The following AGBL1 variants were observed in gnomAD, a reference collection of about 807,000 sequenced individuals.
The protein encoded by AGBL1 is AGBL carboxypeptidase 1.
In AGBL1, 130 loss-of-function variants were observed where a neutral mutation model predicts 118.9. The observed-to-expected ratio is 1.09, with a 90% CI of 0.95 to 1.26. The LOEUF (loss-of-function observed/expected upper bound fraction) is 1.26, where lower values mean the gene tolerates loss of function less well. Among genes scored for constraint, AGBL1 ranks in the 50% most tolerant of loss-of-function variants. The pLI, the probability that AGBL1 is intolerant of heterozygous loss-of-function variation, is 0.00. For missense variants in AGBL1, 1,584 were observed against 1,298.1 expected (o/e 1.22, Z -3.38); for synonymous variants, 555 against 478.9 (o/e 1.16, Z -2.08).
chr15:86,464,807 A>G (rs2142091879), intron 18 of AGBL1, among the ~76,000 whole-genome samples: 1 of 152,206 alleles, frequency 6.6e-6, no homozygotes, highest in Non-Finnish European at 1.5e-5. Flanking sequence ...ATTGTGATGG[A>G]TAAGCTTTTT....
At chr15:86,533,621 C>A (rs978037205) in intron 19 of AGBL1, among the ~76,000 whole-genome samples, 9 of 136,410 alleles carry the variant, frequency 6.6e-5, no homozygotes, top group African/African-American at 2.7e-4. Flanking sequence ...GGTATATACC[C>A]AAATGACTAT....
intron 24 of AGBL1, among the ~76,000 whole-genome samples, chr15:87,011,068 T>C (rs73449191): frequency 0.099 from 15,073 of 152,260 alleles, 1,328 homozygotes; most frequent in African/African-American, 0.23. Flanking sequence ...CATATATGAG[T>C]GAGACCATGT....
chr15:86,594,045 C>G (rs2084374081), intron 21 of AGBL1, among the ~76,000 whole-genome samples: 1 of 151,868 alleles, frequency 6.6e-6, no homozygotes, highest in African/African-American at 2.4e-5. Flanking sequence ...GCCTTGGCCT[C>G]CTGAGTAGAT....
chr15:86,536,832 G>A (rs561302022), intron 19 of AGBL1, among the ~76,000 whole-genome samples: 2 of 152,310 alleles, frequency 1.3e-5, no homozygotes, highest in East Asian at 3.9e-4. Context: ...ACATAGAGAT[G>A]GGGCCACAGG....
chr15:86,556,222 G>T, intron 21 of AGBL1: 1 of 1,612,076 alleles, frequency 6.2e-7, no homozygotes, highest in Non-Finnish European at 8.5e-7. Context: ...CTACTGTGCA[G>T]TGTACACAGA....
At chr15:86,639,726 A>T (rs2085160168) in intron 21 of AGBL1, among the ~76,000 whole-genome samples, 1 of 152,196 alleles carries the variant, frequency 6.6e-6, no homozygotes, top group Non-Finnish European at 1.5e-5. Context: ...GCAACTGCTG[A>T]TCCCTCTTTG....
At chr15:86,652,111 T>A (rs538408028) in intron 21 of AGBL1, among the ~76,000 whole-genome samples, 1 of 152,304 alleles carries the variant, frequency 6.6e-6, no homozygotes, top group East Asian at 1.9e-4. Flanking sequence ...GAAACCTCTG[T>A]TAAAAGAGTA....
At position 86,503,891 on chromosome 15, in the gene AGBL1, C is replaced by T. The variant is rs1037519067; in HGVS notation, c.2556-18919C>T. 2.5e-4 allele frequency among the ~76,000 whole-genome samples: 38 copies of T among 151,502 alleles called. 1 individual carries two copies. Among genetic ancestry groups the T allele is most frequent in the Non-Finnish European group, 5.9e-5 (4 of 67,598 alleles). On this transcript the variant is annotated intron_variant, in intron 18 of 22. Transcript: ENST00000614907. Reference sequence around the variant, plus strand: ...AATGTGTGCACTTGGGAAAAATGTGCTTTCTGTTTTTGTTGGACCAAGTGT... The same window carrying T: ...AATGTGTGCACTTGGGAAAAATGTGTTTTCTGTTTTTGTTGGACCAAGTGT...
intron 23 of AGBL1, among the ~76,000 whole-genome samples, chr15:86,976,126 CAT>C: frequency 6.6e-6 from 1 of 151,496 alleles, no homozygotes; most frequent in Non-Finnish European, 1.5e-5. Context: ...AGATCTATCA[CAT>C]AGGCTAAATC....
At chr15:86,819,346 A>T (rs2078907829) in intron 22 of AGBL1, among the ~76,000 whole-genome samples, 1 of 152,132 alleles carries the variant, frequency 6.6e-6, no homozygotes, top group South Asian at 2.1e-4. Context: ...ACTATGTTCC[A>T]GATACTTCTC....
At chr15:86,526,565 TATATATATAC>T (rs1442259735) in intron 19 of AGBL1, among the ~76,000 whole-genome samples, 5 of 133,058 alleles carry the variant, frequency 3.8e-5, no homozygotes, top group African/African-American at 1.5e-4. Flanking sequence ...TATATATATA[TATATATATAC>T]ACACAGAGTA....
chr15:86,819,800 T>G (rs986561369), intron 22 of AGBL1, among the ~76,000 whole-genome samples: 1 of 152,136 alleles, frequency 6.6e-6, no homozygotes, highest in Non-Finnish European at 1.5e-5. Context: ...ACTTTAAATT[T>G]CATATGGAAT....
At chr15:86,542,961 T>A (rs2083525803) in intron 19 of AGBL1, among the ~76,000 whole-genome samples, 1 of 152,228 alleles carries the variant, frequency 6.6e-6, no homozygotes. Context: ...CTTTCTTATT[T>A]ATCCAAACTG....
At chr15:86,668,152 C>G (rs1242504006) in intron 21 of AGBL1, among the ~76,000 whole-genome samples, 1 of 152,192 alleles carries the variant, frequency 6.6e-6, no homozygotes, top group Non-Finnish European at 1.5e-5. Flanking sequence ...CCTCCATGAA[C>G]CAAACACCTC....
chr15:86,628,935 ACAAT>A (rs1303099473), intron 21 of AGBL1, among the ~76,000 whole-genome samples: 2 of 152,184 alleles, frequency 1.3e-5, no homozygotes, highest in Non-Finnish European at 2.9e-5. Context: ...AAGAGTCATC[ACAAT>A]CAAGCTAATT....
chr15:86,787,751 C>A (rs972974251), intron 22 of AGBL1, among the ~76,000 whole-genome samples: 3 of 152,156 alleles, frequency 2.0e-5, no homozygotes, highest in African/African-American at 7.2e-5. Context: ...ATATGTCCAG[C>A]AGAGAGATTG....
chr15:86,753,647 C>T (rs190583282), intron 22 of AGBL1, among the ~76,000 whole-genome samples: 1 of 152,226 alleles, frequency 6.6e-6, no homozygotes, highest in African/African-American at 2.4e-5. Context: ...ATCCACCCAC[C>T]TTGGCCTCCC....
chr15:86,837,665 A>AG (rs1013838449), intron 22 of AGBL1, among the ~76,000 whole-genome samples: 5 of 152,200 alleles, frequency 3.3e-5, no homozygotes, highest in African/African-American at 1.2e-4. Flanking sequence ...GCAAAATGTC[A>AG]GGGGGAGAAA....
In AGBL1 at chr15:86,907,981, A is replaced by T. The variant is rs1025169783; in HGVS notation, c.*687A>T. 2 of 152,212 alleles carry T rather than the reference A, an allele frequency of 1.3e-5. No homozygotes were observed. Among genetic ancestry groups the T allele is most frequent in the African/African-American group, 4.8e-5 (2 of 41,452 alleles). 9.4% of individuals were successfully genotyped at this position (152,212 alleles called of 1,614,324 possible). On this transcript the variant is annotated 3_prime_UTR_variant, in exon 23 of 23. Coordinates refer to ENST00000614907, the MANE Select transcript of AGBL1 (RefSeq NM_001386094.1). ...TTTTAAGATCCTATGTATTCAGATCACCAAACATAATGCTAGGAAGTACCA... is the reference window on the plus strand; with the variant it reads ...TTTTAAGATCCTATGTATTCAGATCTCCAAACATAATGCTAGGAAGTACCA...
Sources: gnomAD v4.1 joint callset for allele counts (sites outside exome capture counted in the v4.1 genomes callset) on GRCh38, gnomAD v4.1.1 for gene constraint, MANE v1.5 for transcripts, NCBI Gene and HGNC (gene_info 2026-07-23, HGNC 2026-07-21) for gene names.